Variants in SETBP1 observed in about 807,000 individuals in gnomAD.
The protein encoded by SETBP1 is SET-binding protein.
In SETBP1, 9 loss-of-function variants were observed where a neutral mutation model predicts 101.0. The observed-to-expected ratio is 0.09, with a 90% CI of 0.05 to 0.16. SETBP1 has a LOEUF of 0.16. Among genes scored for constraint, SETBP1 ranks in the 10% least tolerant of loss-of-function variants. The pLI, the probability that SETBP1 is intolerant of heterozygous loss-of-function variation, is 1.00. For synonymous variants in SETBP1, 818 were observed against 788.5 expected (o/e 1.04, Z -0.63); for missense variants, 1,858 against 2,033.8 (o/e 0.91, Z 1.66).
At chr18:44,930,634 G>A (rs143455564) in intron 3 of SETBP1, among the ~76,000 whole-genome samples, 12,895 of 152,142 alleles carry the variant, frequency 0.085, 663 homozygotes, top group East Asian at 0.15. Context: ...GGTCTATTCA[G>A]GGATTCAACT....
intron 3 of SETBP1, among the ~76,000 whole-genome samples, chr18:44,893,831 TGTG>T (rs2069828851): frequency 6.6e-6 from 1 of 151,940 alleles, no homozygotes; most frequent in Non-Finnish European, 1.5e-5. Flanking sequence ...AATACCTATT[TGTG>T]TGTGTGTGTA....
intron 4 of SETBP1, among the ~76,000 whole-genome samples, chr18:45,008,844 ACT>A (rs1372301517): frequency 1.3e-5 from 2 of 152,082 alleles, no homozygotes; most frequent in East Asian, 1.9e-4. Context: ...CCAGCCCTGC[ACT>A]CTCTCTGCTG....
chr18:44,774,005 T>C (rs1000816382), intron 2 of SETBP1, among the ~76,000 whole-genome samples: 2 of 152,216 alleles, frequency 1.3e-5, no homozygotes, highest in African/African-American at 4.8e-5. Context: ...GGGGACAACA[T>C]GGCCATTCAA....
chr18:44,998,931 C>T (rs1490217414), intron 4 of SETBP1, among the ~76,000 whole-genome samples: 11 of 152,160 alleles, frequency 7.2e-5, no homozygotes, highest in African/African-American at 2.7e-4. Context: ...TTTCTAGACA[C>T]CCAGTGGAAT....
At chr18:44,896,281 C>T (rs1021327328) in intron 3 of SETBP1, among the ~76,000 whole-genome samples, 3 of 152,204 alleles carry the variant, frequency 2.0e-5, no homozygotes, top group Non-Finnish European at 4.4e-5. Context: ...AAAGGACATT[C>T]TGTCTCGTCT....
At chr18:44,947,044 G>C (rs182698893) in intron 3 of SETBP1, among the ~76,000 whole-genome samples, 1 of 152,196 alleles carries the variant, frequency 6.6e-6, no homozygotes, top group Admixed American at 6.5e-5. Flanking sequence ...AGTGCCTACT[G>C]TGTGCCAGGT....
intron 2 of SETBP1, among the ~76,000 whole-genome samples, chr18:44,747,343 A>G (rs1485734563): frequency 3.3e-5 from 5 of 152,254 alleles, no homozygotes; most frequent in Non-Finnish European, 7.3e-5. Flanking sequence ...GAGGTGTTAC[A>G]GTAAGGACTA....
chr18:45,013,680 C>T (rs896460232), intron 4 of SETBP1, among the ~76,000 whole-genome samples: 43 of 152,244 alleles, frequency 2.8e-4, no homozygotes, highest in African/African-American at 9.6e-4. Context: ...CCTCATGATC[C>T]GCCTGCCTTG....
intron 2 of SETBP1, among the ~76,000 whole-genome samples, chr18:44,740,447 C>T (rs2070071496): frequency 1.3e-5 from 2 of 152,096 alleles, no homozygotes; most frequent in Admixed American, 1.3e-4. Context: ...ATGATTCCTG[C>T]CCAACTTGCC....
At chr18:44,745,894 TTA>T (rs1281226465) in intron 2 of SETBP1, among the ~76,000 whole-genome samples, 1 of 152,126 alleles carries the variant, frequency 6.6e-6, no homozygotes, top group African/African-American at 2.4e-5. Context: ...GTGAGCAAAA[TTA>T]TTTCATAGAA....
At chr18:44,840,261 G>T (rs1419990673) in intron 2 of SETBP1, among the ~76,000 whole-genome samples, 1 of 152,174 alleles carries the variant, frequency 6.6e-6, no homozygotes, top group Non-Finnish European at 1.5e-5. Context: ...GAACTGACTT[G>T]TTTAGTTTCT....
intron 2 of SETBP1, among the ~76,000 whole-genome samples, chr18:44,792,133 T>A (rs551842964): frequency 6.6e-6 from 1 of 152,302 alleles, no homozygotes; most frequent in African/African-American, 2.4e-5. Context: ...ATATAATAGA[T>A]GTTTAATAAA....
intron 2 of SETBP1, among the ~76,000 whole-genome samples, chr18:44,820,178 G>A (rs957740876): frequency 3.9e-5 from 6 of 152,240 alleles, no homozygotes; most frequent in African/African-American, 9.6e-5. Flanking sequence ...TGAGCGCCAC[G>A]TGGCGGGCAG....
At chr18:44,687,345 AC>A (rs1413118123) in intron 1 of SETBP1, among the ~76,000 whole-genome samples, 1 of 152,182 alleles carries the variant, frequency 6.6e-6, no homozygotes, top group Non-Finnish European at 1.5e-5. Context: ...AGCTCCTCAA[AC>A]CCCTTTAATG....
At position 44,789,058 on chromosome 18, in the gene SETBP1, C is replaced by T. The variant is rs1599130246; in HGVS notation, c.487-80172C>T. ...GCTCAAGTAATTCACCCGCCTTGAC[C>T]TCCCAAAGTGTGGGGATTACAAGTG... On this transcript the variant is annotated intron_variant, in intron 2 of 5. Coordinates refer to ENST00000649279, the MANE Select transcript of SETBP1 (RefSeq NM_015559.3). Among the ~76,000 whole-genome samples, 6 of 152,120 alleles carry T rather than the reference C, an allele frequency of 3.9e-5. 1 individual carries two copies. The highest frequency in any genetic ancestry group is 3.9e-4 in the Admixed American group (6 of 15,270).
chr18:44,966,357 C>G (rs1364353309), intron 4 of SETBP1, among the ~76,000 whole-genome samples: 3 of 152,194 alleles, frequency 2.0e-5, no homozygotes, highest in African/African-American at 7.2e-5. Context: ...GCAATCACCA[C>G]ACGGCTTCTT....
rs1374566363 is a variant in SETBP1, at chr18:44,698,166, T to A, written c.-172-3009T>A. ...ACTGTTTTACCTACAGTATTTATTATGACATACTCACATTGCCCTGGTTTG... is the reference window on the plus strand; with the variant it reads ...ACTGTTTTACCTACAGTATTTATTAAGACATACTCACATTGCCCTGGTTTG... On this transcript the variant is annotated intron_variant, in intron 1 of 5. Transcript: ENST00000649279. Among the ~76,000 whole-genome samples the A allele has an allele frequency of 4.6e-5, 7 of 152,224 alleles. No homozygotes were observed. In the East Asian group the frequency reaches 1.3e-3, roughly 29 times the overall value.
chr18:45,061,511 A>T (rs769587437), intron 5 of SETBP1, among the ~76,000 whole-genome samples: 1 of 152,190 alleles, frequency 6.6e-6, no homozygotes, highest in Non-Finnish European at 1.5e-5. Flanking sequence ...TTCAGTAGTT[A>T]TTCATTGCTC....
intron 4 of SETBP1, among the ~76,000 whole-genome samples, chr18:45,035,004 C>T (rs887748024): frequency 8.6e-5 from 13 of 150,918 alleles, no homozygotes; most frequent in African/African-American, 2.0e-4. Context: ...ATGCCCCCCC[C>T]GCCCCCAACT....
Sources: gnomAD v4.1 joint callset for allele counts (sites outside exome capture counted in the v4.1 genomes callset) on GRCh38, gnomAD v4.1.1 for gene constraint, MANE v1.5 for transcripts, NCBI Gene and HGNC (gene_info 2026-07-23, HGNC 2026-07-21) for gene names.